NOP14: variants seen among roughly 807,000 people sequenced by gnomAD.
NOP14 encodes NOP14 nucleolar protein.
NOP14 carries 57 observed loss-of-function variants against 101.6 expected under a neutral mutation model. The observed-to-expected ratio is 0.56, with a 90% CI of 0.45 to 0.70. The LOEUF (loss-of-function observed/expected upper bound fraction) is 0.70. Among genes scored for constraint, NOP14 ranks in the 30% least tolerant of loss-of-function variants. The probability of loss-of-function intolerance (pLI) is 0.00; values close to 1 mark genes in which losing one functional copy is unlikely to be tolerated. For missense variants in NOP14, 1,134 were observed against 1,075.5 expected, an observed-to-expected ratio of 1.05 and a Z score of -0.76; for synonymous variants, 428 against 424.0, an observed-to-expected ratio of 1.01 and a Z score of -0.12.
At position 2,941,642 on chromosome 4, in the gene NOP14, C is replaced by A; in HGVS notation, c.2139G>T (p.Gly713=). 1 of 1,613,378 alleles carries A rather than the reference C, an allele frequency of 6.2e-7. No individual in the cohort carries two copies. The highest frequency in any genetic ancestry group is 8.5e-7 in the Non-Finnish European group (1 of 1,179,876). Residue 713 remains glycine (G), a synonymous_variant, in exon 15 of 18, where the codon GGG becomes GGT. Coordinates refer to ENST00000416614, the MANE Select transcript of NOP14 (RefSeq NM_001291978.2). ...GATCCGTGAGGAGGGCTTGGAGAGG[C>A]CCCATGATGGCGTGGAAGGATGGCA... ...GSLPSFHAIM[G]PLQALLTDHL...
At chr4:2,945,730 C>G (rs573182160) in intron 11 of NOP14, among the ~76,000 whole-genome samples, 40 of 152,354 alleles carry the variant, frequency 2.6e-4, no homozygotes, top group African/African-American at 9.1e-4. Context: ...CCAATTTAAA[C>G]CAGCCCACAG....
intron 7 of NOP14, chr4:2,950,509 T>G: frequency 2.2e-6 from 1 of 450,912 alleles, no homozygotes; most frequent in Non-Finnish European, 4.0e-6. Flanking sequence ...GTACAGTGGC[T>G]GCGGGCTTTA....
intron 3 of NOP14, among the ~76,000 whole-genome samples, chr4:2,956,187 C>G (rs772318695): frequency 6.6e-6 from 1 of 152,184 alleles, no homozygotes. Flanking sequence ...TGATTTTCCT[C>G]AAACTGCTAT....
chr4:2,946,213 A>G (rs1244532250), intron 11 of NOP14, among the ~76,000 whole-genome samples, 199 bp downstream of exon 11: 5 of 108,974 alleles, frequency 4.6e-5, no homozygotes, highest in African/African-American at 2.0e-4. Flanking sequence ...GATCACCCTC[A>G]CTGCCGTGCA....
chr4:2,946,422 C>A lies in NOP14; in HGVS notation c.1625G>T (p.Gly542Val). 6.2e-7 allele frequency: 1 copy of A among 1,614,240 alleles called. No individual in the cohort carries two copies. Among genetic ancestry groups the A allele is most frequent in the Non-Finnish European group, 8.5e-7 (1 of 1,180,034 alleles). The change falls in exon 11 of 18, where the codon GGG becomes GTG. Residue 542 changes from glycine to valine, a missense_variant. By Grantham distance (109) the Gly-to-Val change is moderately radical. Transcript: ENST00000416614. ...IETKGRAALP[G>V]LDVLIYLKIT... is the part of the protein sequence containing the mutation. ...CTGAACTCTGCTTACCACATCCAAC[C>A]CTGGCAATGCCGCCCGGCCTTTGGT...
intron 15 of NOP14, 156 bp downstream of exon 15, chr4:2,941,426 A>C (rs1714175964): frequency 1.5e-6 from 1 of 674,862 alleles, no homozygotes; most frequent in Non-Finnish European, 2.5e-6. Context: ...GTCACTGCCC[A>C]CTCTTATGAT....
rs1448490361 is a variant in NOP14, at chr4:2,938,346, C to T, written c.*485G>A. 5.7e-6 allele frequency: 3 copies of T among 530,848 alleles called. No homozygotes were observed. The highest frequency in any genetic ancestry group is 4.0e-5 in the African/African-American group (2 of 50,138). The allele number at this position is 530,848 out of a possible 1,614,324, so 32.9% of individuals were successfully genotyped here. On this transcript the variant is annotated 3_prime_UTR_variant, in exon 18 of 18. Transcript: ENST00000416614. The stretch of plus-strand genomic sequence containing the variant: ...GACCAGCCTGACCAACATGGAGAAA[C>T]CCCGTCTCTACTAAAAATACAAAAT...
chr4:2,944,199 C>G lies in NOP14; in HGVS notation c.1765G>C (p.Val589Leu). Residue 589 changes from valine to leucine, a missense_variant, in exon 13 of 18, where the codon GTG becomes CTG. By Grantham distance (32) the Val-to-Leu change is conservative (BLOSUM62 1). Coordinates refer to ENST00000416614, the MANE Select transcript of NOP14 (RefSeq NM_001291978.2). ...KCPILSLQDV[V>L]KGLFVCCLFL... Reference sequence around the variant, plus strand: ...AGGCAGCACACGAACAGGCCCTTCACCACGTCCTGGAGGGACAGGATGGGG... The same window carrying G: ...AGGCAGCACACGAACAGGCCCTTCAGCACGTCCTGGAGGGACAGGATGGGG... 6.2e-7 allele frequency: 1 copy of G among 1,613,994 alleles called. No individual in the cohort carries two copies. The highest frequency in any genetic ancestry group is 1.1e-5 in the South Asian group (1 of 91,062).
At chr4:2,950,842 C>G in intron 7 of NOP14, 1 of 330,952 alleles carries the variant, frequency 3.0e-6, no homozygotes, top group South Asian at 5.0e-5. Context: ...TTGATGTTAA[C>G]CGAGTAATCA....
chr4:2,938,164 A>G lies in NOP14; in HGVS notation c.*667T>C. ...TCAGGTGACGTTTTAACAGAAACAA[A>G]ACCGCAGGCAGCGGGTGGGGGGAGC... is the stretch of plus-strand genomic sequence containing the variant. On this transcript the variant is annotated 3_prime_UTR_variant, in exon 18 of 18. Coordinates refer to ENST00000416614, the MANE Select transcript of NOP14 (RefSeq NM_001291978.2). 7.8e-7 allele frequency: 1 copy of G among 1,282,474 alleles called. No homozygotes were observed. The highest frequency in any genetic ancestry group is 1.0e-6 in the Non-Finnish European group (1 of 985,378). 79.4% of individuals were successfully genotyped at this position (1,282,474 alleles called of 1,614,324 possible).
chr4:2,956,861 G>T (rs200088743), intron 2 of NOP14, 50 bp from the exon 3 acceptor site: 64 of 1,386,742 alleles, frequency 4.6e-5, no homozygotes, highest in Non-Finnish European at 9.7e-6. Context: ...CCATTTCACA[G>T]CAAAAAAAAA....
chr4:2,946,479 T>C lies in NOP14; in HGVS notation c.1568A>G (p.Asp523Gly). Residue 523 changes from aspartate (D) to glycine (G), a missense_variant, in exon 11 of 18, where the codon GAT (aspartate) becomes GGT (glycine). Physicochemically the swap from Asp to Gly is moderately conservative, Grantham distance 94. Coordinates refer to ENST00000416614, the MANE Select transcript of NOP14 (RefSeq NM_001291978.2). ...CATTTCTTCCATCTCATGCATCGCA[T>C]CTCGGAGAACAAATTTGATAGCGTC... ...ASDAIKFVLR[D>G]AMHEMEEMIE... The C allele has an allele frequency of 1.2e-6, 2 of 1,614,192 alleles. No homozygotes were observed. The highest frequency in any genetic ancestry group is 1.7e-6 in the Non-Finnish European group (2 of 1,180,026).
At chr4:2,942,512 G>A (rs1714286533) in intron 13 of NOP14, among the ~76,000 whole-genome samples, 161 bp from the exon 14 acceptor site, 1 of 152,222 alleles carries the variant, frequency 6.6e-6, no homozygotes, top group Non-Finnish European at 1.5e-5. Flanking sequence ...CGTGGGCAGG[G>A]ACACCTCAGG....
intron 1 of NOP14, among the ~76,000 whole-genome samples, chr4:2,960,658 T>C (rs537248753): frequency 2.1e-5 from 3 of 145,490 alleles, no homozygotes; most frequent in Non-Finnish European, 3.0e-5. Context: ...ATAGTTACTA[T>C]ATATTATTAT....
intron 2 of NOP14, among the ~76,000 whole-genome samples, chr4:2,957,032 C>T (rs1323806433): frequency 1.3e-5 from 2 of 152,072 alleles, no homozygotes; most frequent in African/African-American, 4.8e-5. Flanking sequence ...GACAGAGTCT[C>T]GCTCTGTTGC....
Position 2,938,800 on chromosome 4 carries a change from C to G in NOP14, c.*31G>C, listed in dbSNP as rs765069587. ...TGGAATTGCAGATGTGAGGTAATGT[C>G]CAGTTCCTTGCCTTATTTATAAAAT... On this transcript the variant is annotated 3_prime_UTR_variant, in exon 18 of 18. Transcript: ENST00000416614. 2.6e-6 allele frequency: 4 copies of G among 1,560,476 alleles called. No individual in the cohort carries two copies. The South Asian group carries it at 4.5e-5, about 17-fold the overall frequency.
chr4:2,952,309 G>A lies in NOP14; in HGVS notation c.836C>T (p.Ala279Val). ...CCTGAGGTGCTCCTGCTCTTCCTTT[G>A]CCAATTCTGCCTCCGTCTTCATCCT... ...SNRMKTEAELAKEEQEHLRKL... is the reference protein window; with the variant it reads ...SNRMKTEAELVKEEQEHLRKL... Residue 279 changes from alanine to valine, a missense_variant, in exon 6 of 18, where the codon GCA becomes GTA. Physicochemically the swap from Ala to Val is moderately conservative, Grantham distance 64. Coordinates refer to ENST00000416614, the MANE Select transcript of NOP14 (RefSeq NM_001291978.2). The A allele has an allele frequency of 6.2e-7, 1 of 1,613,760 alleles. No individual in the cohort carries two copies.
At chr4:2,960,668 T>C (rs535504733) in intron 1 of NOP14, among the ~76,000 whole-genome samples, 9 of 129,112 alleles carry the variant, frequency 7.0e-5, no homozygotes, top group East Asian at 4.3e-4. Flanking sequence ...TATATTATTA[T>C]ATTAATATTA....
intron 13 of NOP14, among the ~76,000 whole-genome samples, chr4:2,943,328 T>TA (rs1483685138): frequency 6.6e-6 from 1 of 152,130 alleles, no homozygotes; most frequent in Non-Finnish European, 1.5e-5. Context: ...GAGCTGGAAA[T>TA]AGAGGACAGG....
Sources: allele counts gnomAD v4.1 joint callset (sites outside exome capture counted in the v4.1 genomes callset), GRCh38; gene constraint gnomAD v4.1.1; transcripts MANE v1.5; gene names NCBI Gene and HGNC (gene_info 2026-07-23, HGNC 2026-07-21).